The following CNBD2 variants were observed in gnomAD, a reference collection of about 807,000 sequenced individuals.
CNBD2 encodes the protein cyclic nucleotide-binding domain-containing protein 2.
In CNBD2, 64 loss-of-function variants were observed where a neutral mutation model predicts 63.7. That is an observed-to-expected ratio of 1.00 (90% confidence interval 0.82 to 1.24). The LOEUF (loss-of-function observed/expected upper bound fraction) is 1.24. Ranked by LOEUF, CNBD2 falls within the 50% of genes most tolerant of loss-of-function variation. The pLI, the probability that CNBD2 is intolerant of heterozygous loss-of-function variation, is 0.00. For synonymous variants in CNBD2, 229 were observed against 255.4 expected (o/e 0.90, Z 0.99); for missense variants, 691 against 713.5 (o/e 0.97, Z 0.36).
intron 2 of CNBD2, among the ~76,000 whole-genome samples, chr20:35,975,492 G>T (rs1420948215): frequency 7.1e-6 from 1 of 139,910 alleles, no homozygotes; most frequent in Non-Finnish European, 1.6e-5. Flanking sequence ...AGTAGAGACG[G>T]GGTTTCACCT....
intron 10 of CNBD2, among the ~76,000 whole-genome samples, chr20:36,016,788 C>G (rs1045800043): frequency 1.9e-4 from 12 of 62,828 alleles, no homozygotes; most frequent in African/African-American, 6.7e-4. Flanking sequence ...GACTCTGTCT[C>G]AAAAAAAAAA....
At chr20:36,005,814 G>C (rs1233107991) in intron 8 of CNBD2, among the ~76,000 whole-genome samples, 1 of 151,616 alleles carries the variant, frequency 6.6e-6, no homozygotes, top group East Asian at 2.0e-4. Context: ...AGCCGGGCAT[G>C]GTGGCGGGCG....
At chr20:36,007,397 AC>A (rs112821287) in intron 8 of CNBD2, among the ~76,000 whole-genome samples, 6,071 of 151,890 alleles carry the variant, frequency 0.04, 263 homozygotes, top group African/African-American at 0.11. Flanking sequence ...CAATCCTCCT[AC>A]CTCAGCCTCC....
At chr20:36,030,285 G>T (rs955659306) in intron 11 of CNBD2, 72 bp from the exon 12 acceptor site, 3 of 1,432,916 alleles carry the variant, frequency 2.1e-6, no homozygotes, top group African/African-American at 2.8e-5. Flanking sequence ...TTAGGGAGGG[G>T]AGAGTGGCAG....
At position 35,968,741 on chromosome 20, in the gene CNBD2, G is replaced by A. The variant is rs2056370181; in HGVS notation, c.-22G>A. The stretch of plus-strand genomic sequence containing the variant: ...CTTGAAAGGCAAAGGGGCTAGTTGT[G>A]CCATTTGCCTGCACAGGAACCATGA... On this transcript the variant is annotated 5_prime_UTR_variant, in exon 1 of 12. Transcript: ENST00000373973. 15 of 1,600,584 alleles carry A rather than the reference G, an allele frequency of 9.4e-6. No individual in the cohort carries two copies. The highest frequency in any genetic ancestry group is 1.2e-5 in the Non-Finnish European group (14 of 1,173,292).
intron 10 of CNBD2, among the ~76,000 whole-genome samples, chr20:36,015,731 C>A (rs559368175): frequency 4.5e-4 from 69 of 152,060 alleles, no homozygotes; most frequent in African/African-American, 1.7e-3. Context: ...TGGATTATAA[C>A]CAAAAGTACA....
upstream of CNBD2, chr20:35,954,656 C>G (rs1444012612): frequency 2.4e-6 from 3 of 1,261,222 alleles, no homozygotes; most frequent in Non-Finnish European, 3.1e-6. Flanking sequence ...GGTGGCGCCT[C>G]TGAGCGCCAG....
intron 11 of CNBD2, 91 bp from the exon 12 acceptor site, chr20:36,030,266 G>T: frequency 8.0e-7 from 1 of 1,246,692 alleles, no homozygotes; most frequent in East Asian, 2.3e-5. Flanking sequence ...AGAATGAAGC[G>T]CCACATGCTT....
intron 8 of CNBD2, among the ~76,000 whole-genome samples, 162 bp from the exon 9 acceptor site, chr20:36,008,135 T>G (rs769732151): frequency 5.3e-5 from 8 of 152,162 alleles, no homozygotes; most frequent in Non-Finnish European, 1.2e-4. Flanking sequence ...CCAGGGACAT[T>G]ACATGGAGGC....
chr20:35,980,402 C>A, intron 3 of CNBD2, 57 bp from the exon 4 acceptor site: 1 of 1,554,812 alleles, frequency 6.4e-7, no homozygotes, highest in Admixed American at 1.7e-5. Flanking sequence ...GTGTTGCCCG[C>A]TGGCCCATGG....
At chr20:36,005,026 A>G (rs551143914) in intron 8 of CNBD2, among the ~76,000 whole-genome samples, 8 of 152,326 alleles carry the variant, frequency 5.3e-5, no homozygotes, top group Admixed American at 4.6e-4. Flanking sequence ...ATATATCATA[A>G]TTAATTTAAT....
At chr20:35,975,575 C>CA (rs1366512678) in intron 2 of CNBD2, among the ~76,000 whole-genome samples, 5 of 152,118 alleles carry the variant, frequency 3.3e-5, no homozygotes, top group African/African-American at 1.2e-4. Flanking sequence ...GCTGGGATTA[C>CA]AGGCGTGAGC....
Position 36,011,222 on chromosome 20 carries a change from G to C in CNBD2, c.1234G>C (p.Val412Leu). 6.3e-7 allele frequency: 1 copy of C among 1,593,592 alleles called. No homozygotes were observed. The highest frequency in any genetic ancestry group is 8.6e-7 in the Non-Finnish European group (1 of 1,169,070). The part of the protein sequence containing the change: ...LPKEAAVGAY[V>L]KVHTVEQGEI... ...CAAGGAGGCTGCAGTGGGGGCCTAC[G>C]TGAAGGTGCACACTGTGGAGCAGGG... Residue 412 changes from valine (V) to leucine (L), a missense_variant, in exon 10 of 12, where the codon GTG becomes CTG. By Grantham distance (32) the Val-to-Leu change is conservative (BLOSUM62 1). Transcript: ENST00000373973.
Position 36,030,370 on chromosome 20 carries a change from T to G in CNBD2, c.1453T>G (p.Cys485Gly). 1 of 1,614,114 alleles carries G rather than the reference T, an allele frequency of 6.2e-7. No homozygotes were observed. Among genetic ancestry groups the G allele is most frequent in the Non-Finnish European group, 8.5e-7 (1 of 1,180,028 alleles). The change falls in exon 12 of 12, where the codon TGC (cysteine) becomes GGC (glycine). Residue 485 changes from cysteine (C) to glycine (G), a missense_variant. Physicochemically the swap from Cys to Gly is radical, Grantham distance 159 (BLOSUM62 -3). Coordinates refer to ENST00000373973, the MANE Select transcript of CNBD2 (RefSeq NM_001365709.1). The part of the protein sequence containing the change: ...NIAFPSDEDM[C>G]QKFLQQNSWN... Reference sequence around the variant, plus strand: ...CCTGCCCTTTAGTGATGAAGATATGTGCCAGAAGTTCCTCCAGCAGAACAG... The same window carrying G: ...CCTGCCCTTTAGTGATGAAGATATGGGCCAGAAGTTCCTCCAGCAGAACAG...
chr20:35,994,525 GC>G (rs1307377867), intron 7 of CNBD2, among the ~76,000 whole-genome samples: 2 of 148,516 alleles, frequency 1.3e-5, no homozygotes. Context: ...TAGTTCTTAT[GC>G]TTCTTCAGTT....
At chr20:35,997,073 G>T (rs984782982) in intron 8 of CNBD2, among the ~76,000 whole-genome samples, 1 of 152,130 alleles carries the variant, frequency 6.6e-6, no homozygotes, top group South Asian at 2.1e-4. Flanking sequence ...GGGTAGTATT[G>T]TTTCCATTCA....
At chr20:35,963,961 C>A (rs2056326483), upstream of CNBD2, among the ~76,000 whole-genome samples, 1 of 152,116 alleles carries the variant, frequency 6.6e-6, no homozygotes, top group South Asian at 2.1e-4. Flanking sequence ...AATACCTCAA[C>A]TAAAGACAAG....
At chr20:35,996,651 G>T (rs951514258) in intron 8 of CNBD2, among the ~76,000 whole-genome samples, 1 of 151,960 alleles carries the variant, frequency 6.6e-6, no homozygotes, top group Non-Finnish European at 1.5e-5. Context: ...GGGATTACGG[G>T]CACATGCCAC....
intron 11 of CNBD2, among the ~76,000 whole-genome samples, chr20:36,029,045 T>G (rs758844218): frequency 6.6e-6 from 1 of 152,132 alleles, no homozygotes; most frequent in African/African-American, 2.4e-5. Context: ...GGATTGGAAC[T>G]GAGACCCCTG....
Sources: allele counts gnomAD v4.1 joint callset (sites outside exome capture counted in the v4.1 genomes callset), GRCh38; gene constraint gnomAD v4.1.1; transcripts MANE v1.5; gene names NCBI Gene and HGNC (gene_info 2026-07-23, HGNC 2026-07-21).